The following HELZ variants were observed in gnomAD, a reference collection of about 807,000 sequenced individuals.
The protein encoded by HELZ is ATP-dependent RNA helicase with zinc finger domain.
HELZ carries 23 observed loss-of-function variants against 218.2 expected under a neutral mutation model. That is an observed-to-expected ratio of 0.11 (90% confidence interval 0.08 to 0.15). The LOEUF (loss-of-function observed/expected upper bound fraction) is 0.15. HELZ is among the 10% of genes least tolerant of loss of function. The pLI, the probability that HELZ is intolerant of heterozygous loss-of-function variation, is 1.00. For missense variants in HELZ, 1,813 were observed against 2,353.7 expected (o/e 0.77, Z 4.75); for synonymous variants, 814 against 829.4 (o/e 0.98, Z 0.32).
rs2035871492 is a variant in HELZ, at chr17:67,070,946, C to T, written c.*7306G>A. ...CTAAGTAACTGATCTATGAAGTTAG[C>T]TGAACAAGTTTAGATAAGAACTATA... On this transcript the variant is annotated 3_prime_UTR_variant, in exon 33 of 33. Transcript: ENST00000358691. The T allele has an allele frequency of 1.3e-5, 2 of 151,882 alleles. No individual in the cohort carries two copies. Among genetic ancestry groups the T allele is most frequent in the South Asian group, 4.2e-4 (2 of 4,812 alleles). 9.4% of individuals were successfully genotyped at this position (151,882 alleles called of 1,614,324 possible).
At chr17:67,148,544 C>T (rs747457804) in intron 20 of HELZ, 25 bp downstream of exon 20, 1 of 1,597,338 alleles carries the variant, frequency 6.3e-7, no homozygotes, top group Non-Finnish European at 8.5e-7. Flanking sequence ...GAAAGTATGA[C>T]ACGGAGGGGG....
intron 15 of HELZ, among the ~76,000 whole-genome samples, chr17:67,162,929 T>C (rs949218266): frequency 2.6e-5 from 4 of 152,190 alleles, no homozygotes; most frequent in African/African-American, 9.7e-5. Flanking sequence ...GCAGAGCTCC[T>C]GCACAGCCCT....
At chr17:67,209,440 A>C (rs764181915) in intron 5 of HELZ, among the ~76,000 whole-genome samples, 15 of 152,188 alleles carry the variant, frequency 9.9e-5, no homozygotes, top group Non-Finnish European at 2.1e-4. Context: ...ACTACTAAAA[A>C]TACAAAAATT....
chr17:67,119,338 T>G (rs2037527610), intron 27 of HELZ, among the ~76,000 whole-genome samples: 1 of 152,148 alleles, frequency 6.6e-6, no homozygotes, highest in African/African-American at 2.4e-5. Flanking sequence ...CTGACACATA[T>G]AATCTGGTGG....
Position 67,107,333 on chromosome 17 carries a change from G to C in HELZ, c.5077C>G (p.Leu1693Val). The stretch of plus-strand genomic sequence containing the variant: ...CCATAGGGAAAACCTGGCCCCATTA[G>C]GTGATTCTGTTGCAAGTTAGCAAAA... ...WTFANLQQNHLMGPGFPYGLP... is the reference protein window; with the variant it reads ...WTFANLQQNHVMGPGFPYGLP... Residue 1693 changes from leucine to valine, a missense_variant, in exon 31 of 33, where the codon CTA becomes GTA. Leu to Val is a conservative substitution (Grantham distance 32). Around this residue, in one of 4 missense-constraint regions of HELZ, gnomAD observed 938 missense variants for 1,027.5 expected, o/e 0.91. Coordinates refer to ENST00000358691, the MANE Select transcript of HELZ (RefSeq NM_014877.4). 6.2e-7 allele frequency: 1 copy of C among 1,614,188 alleles called. No individual in the cohort carries two copies. The highest frequency in any genetic ancestry group is 1.1e-5 in the South Asian group (1 of 91,072).
intron 32 of HELZ, among the ~76,000 whole-genome samples, 153 bp downstream of exon 32, chr17:67,086,676 G>C (rs1278829409): frequency 1.1e-5 from 1 of 95,042 alleles, no homozygotes; most frequent in African/African-American, 4.4e-5. Context: ...AATCAATATA[G>C]TCCTAAATTG....
intron 31 of HELZ, among the ~76,000 whole-genome samples, chr17:67,093,750 C>T (rs1029366273): frequency 7.2e-5 from 11 of 152,278 alleles, no homozygotes; most frequent in African/African-American, 2.6e-4. Context: ...CAGTCCAAGC[C>T]ACAATCACCT....
chr17:67,101,105 G>A (rs1265806836), intron 31 of HELZ, among the ~76,000 whole-genome samples: 4 of 130,932 alleles, frequency 3.1e-5, no homozygotes, highest in Non-Finnish European at 4.6e-5. Context: ...GCGAGACTCC[G>A]TCTCAGAAAA....
At chr17:67,090,031 T>C (rs2036532465) in intron 31 of HELZ, among the ~76,000 whole-genome samples, 1 of 152,180 alleles carries the variant, frequency 6.6e-6, no homozygotes, top group South Asian at 2.1e-4. Context: ...TTAAGTATGA[T>C]GGTAGCTGCA....
intron 21 of HELZ, among the ~76,000 whole-genome samples, chr17:67,140,541 CAG>C (rs1275506348): frequency 6.6e-6 from 1 of 152,030 alleles, no homozygotes; most frequent in African/African-American, 2.4e-5. Context: ...ATCTGAAGAA[CAG>C]AGAGAAAAAG....
intron 12 of HELZ, among the ~76,000 whole-genome samples, chr17:67,184,492 T>C (rs2039698392): frequency 6.7e-6 from 1 of 150,224 alleles, no homozygotes. Flanking sequence ...TGAGAAGGAG[T>C]AATCTCTAAA....
At chr17:67,209,033 A>AGGGAGGGAGGG (rs1555623978) in intron 5 of HELZ, among the ~76,000 whole-genome samples, 1 of 112,482 alleles carries the variant, frequency 8.9e-6, no homozygotes, top group African/African-American at 3.8e-5. Flanking sequence ...GGAAGGGAGG[A>AGGGAGGGAGGG]AGGGAGGGAG....
intron 23 of HELZ, among the ~76,000 whole-genome samples, chr17:67,130,813 G>C (rs1436682983): frequency 6.6e-6 from 1 of 152,226 alleles, no homozygotes; most frequent in African/African-American, 2.4e-5. Context: ...TGGCATTTCA[G>C]GTTTGCGTTG....
At chr17:67,132,833 T>A (rs1339434358) in intron 23 of HELZ, among the ~76,000 whole-genome samples, 1 of 152,234 alleles carries the variant, frequency 6.6e-6, no homozygotes, top group Non-Finnish European at 1.5e-5. Flanking sequence ...ACACAGTAAG[T>A]ATTCCTTAAA....
Position 67,108,306 on chromosome 17 carries a change from G to A in HELZ, c.4724+186C>T. The A allele has an allele frequency of 1.8e-6, 1 of 563,134 alleles. No homozygotes were observed. The highest frequency in any genetic ancestry group is 2.9e-5 in the East Asian group (1 of 34,350). 34.9% of individuals were successfully genotyped at this position (563,134 alleles called of 1,614,324 possible). A position where few individuals can be genotyped will look rare whatever the true frequency, so the allele number is the denominator to read the frequency against. ...ATCATCCATGCCTAAATTTGTAGAA[G>A]AGTTACTTCTAAATGAGTTTTCTGT... On this transcript the variant is annotated intron_variant, in intron 30 of 32. Transcript: ENST00000358691. The surrounding 1 kb of genome is among the most constrained non-coding windows in gnomAD (Gnocchi z 4.1).
At chr17:67,118,957 A>T (rs1001574261) in intron 27 of HELZ, among the ~76,000 whole-genome samples, 3 of 152,142 alleles carry the variant, frequency 2.0e-5, no homozygotes, top group Admixed American at 1.3e-4. Context: ...CCACAATGAG[A>T]TATGATTAGA....
At chr17:67,093,403 T>A (rs1193660670) in intron 31 of HELZ, among the ~76,000 whole-genome samples, 1 of 152,074 alleles carries the variant, frequency 6.6e-6, no homozygotes, top group Admixed American at 6.6e-5. Context: ...TTTCAGAAAG[T>A]GAGACATGGA....
chr17:67,188,736 T>A lies in HELZ; in HGVS notation c.865-120A>T. ...TTACTTCCCCAAGCTTCTAAGATAC[T>A]ATAGCCATTTAAGAAAAAAATCAGA... On this transcript the variant is annotated intron_variant, in intron 11 of 32. Transcript: ENST00000358691. This position sits in a 1 kb window ranked among gnomAD's most constrained non-coding sequence, Gnocchi z 4.1. 3 of 722,970 alleles carry A rather than the reference T, an allele frequency of 4.1e-6. No homozygotes were observed. The highest frequency in any genetic ancestry group is 6.7e-6 in the Non-Finnish European group (3 of 448,050). The allele number at this position is 722,970 out of a possible 1,614,324, so 44.8% of individuals were successfully genotyped here. A position where few individuals can be genotyped will look rare whatever the true frequency, so the allele number is the denominator to read the frequency against.
intron 12 of HELZ, among the ~76,000 whole-genome samples, chr17:67,179,338 G>A (rs1047285322): frequency 2.6e-5 from 4 of 152,220 alleles, no homozygotes; most frequent in African/African-American, 9.6e-5. Context: ...ATTATAGAAA[G>A]AGAAGATCAA....
Sources: gnomAD v4.1 joint callset for allele counts (sites outside exome capture counted in the v4.1 genomes callset) on GRCh38, gnomAD v4.1.1 for gene constraint, gnomAD v4.1.1 regional missense constraint, Gnocchi (gnomAD v3.1) non-coding constraint, MANE v1.5 for transcripts, NCBI Gene and HGNC (gene_info 2026-07-23, HGNC 2026-07-21) for gene names.